Variants in UHMK1 observed in about 807,000 individuals in gnomAD.
UHMK1 encodes U2AF homology motif kinase 1, also known as serine/threonine-protein kinase Kist.
UHMK1 carries 18 observed loss-of-function variants against 44.0 expected under a neutral mutation model. The observed-to-expected ratio is 0.41, with a 90% CI of 0.28 to 0.61. UHMK1 has a LOEUF of 0.61. Among genes scored for constraint, UHMK1 ranks in the 20% least tolerant of loss-of-function variants. The probability of loss-of-function intolerance (pLI) is 0.31; values close to 1 mark genes in which losing one functional copy is unlikely to be tolerated. For synonymous variants in UHMK1, 231 were observed against 198.5 expected (o/e 1.16, Z -1.38); for missense variants, 463 against 522.5 (o/e 0.89, Z 1.11).
rs768012570 is a variant in UHMK1 at position 162,501,109 on chromosome 1, A to G, written c.753+5A>G. On this transcript the variant is annotated splice_donor_5th_base_variant and intron_variant, in intron 3 of 7. Coordinates refer to ENST00000489294, the MANE Select transcript of UHMK1 (RefSeq NM_175866.5). ...GTCAGATCTCAGGAATGGAAGGTAA[A>G]CTTCACCAGTGCTTTGCTTTGGGGT... 1 of 1,613,302 alleles carries G rather than the reference A, an allele frequency of 6.2e-7. No homozygotes were observed. The highest frequency in any genetic ancestry group is 1.3e-5 in the African/African-American group (1 of 74,876).
In UHMK1 at chr1:162,522,709, C is replaced by A; in HGVS notation, c.*159C>A. The A allele has an allele frequency of 1.2e-6, 1 of 828,506 alleles. No individual in the cohort carries two copies. The highest frequency in any genetic ancestry group is 1.8e-6 in the Non-Finnish European group (1 of 548,310). The allele number at this position is 828,506 out of a possible 1,614,324, so 51.3% of individuals were successfully genotyped here. On this transcript the variant is annotated 3_prime_UTR_variant, in exon 8 of 8. Coordinates refer to ENST00000489294, the MANE Select transcript of UHMK1 (RefSeq NM_175866.5). ...CATTGCCCAAGCAGTGACTGCGTTG[C>A]ATACATTTGGCACTGAGTAGGACAA...
At chr1:162,515,804 G>A (rs1360866003) in intron 6 of UHMK1, among the ~76,000 whole-genome samples, 1 of 152,040 alleles carries the variant, frequency 6.6e-6, no homozygotes, top group East Asian at 1.9e-4. Flanking sequence ...GGAGGCCGAG[G>A]CGGATGGATC....
rs776946730 is a variant in UHMK1, at chr1:162,526,344, A to T, written c.*3794A>T. The T allele has an allele frequency of 2.6e-5, 4 of 151,980 alleles. No individual in the cohort carries two copies. The highest frequency in any genetic ancestry group is 5.9e-5 in the Non-Finnish European group (4 of 67,980). The allele number at this position is 151,980 out of a possible 1,614,324, so 9.4% of individuals were successfully genotyped here. A position where few individuals can be genotyped will look rare whatever the true frequency, so the allele number is the denominator to read the frequency against. ...TGTAAATGATAGTAATTGTAACAAC[A>T]TAGTTACTGGGTGAAGGAGTAGGGG... On this transcript the variant is annotated 3_prime_UTR_variant, in exon 8 of 8. Transcript: ENST00000489294.
At chr1:162,497,399 G>A, upstream of UHMK1, 1 of 647,966 alleles carries the variant, frequency 1.5e-6, no homozygotes, top group Non-Finnish European at 2.8e-6. Context: ...GCGACACGGG[G>A]GGCTTAGAAT....
chr1:162,524,018 A>G lies in UHMK1; in HGVS notation c.*1468A>G, dbSNP rs1652152608. On this transcript the variant is annotated 3_prime_UTR_variant, in exon 8 of 8. Coordinates refer to ENST00000489294, the MANE Select transcript of UHMK1 (RefSeq NM_175866.5). ...CATGGTAGGTTGTCTTTAAAGATAT[A>G]AAAATTAGGATGCCTTTATGAAGCA... 6.6e-6 allele frequency: 1 copy of G among 152,162 alleles called. No homozygotes were observed. Among genetic ancestry groups the G allele is most frequent in the Non-Finnish European group, 1.5e-5 (1 of 68,020 alleles). 9.4% of individuals were successfully genotyped at this position (152,162 alleles called of 1,614,324 possible).
At chr1:162,504,221 GT>G (rs999789298) in intron 4 of UHMK1, among the ~76,000 whole-genome samples, 6 of 152,178 alleles carry the variant, frequency 3.9e-5, no homozygotes, top group African/African-American at 1.4e-4. Context: ...GAATAAGATA[GT>G]TTTTTATTAT....
In UHMK1 at chr1:162,522,572, C is replaced by G; in HGVS notation, c.*22C>G. 1 of 1,603,724 alleles carries G rather than the reference C, an allele frequency of 6.2e-7. No individual in the cohort carries two copies. The highest frequency in any genetic ancestry group is 8.5e-7 in the Non-Finnish European group (1 of 1,175,442). Reference sequence around the variant, plus strand: ...TTAATCAGTAACCTAAGGACTGTTTCCTTTTTCTCCTCTTCCATTTCTTGG... The same window carrying G: ...TTAATCAGTAACCTAAGGACTGTTTGCTTTTTCTCCTCTTCCATTTCTTGG... On this transcript the variant is annotated 3_prime_UTR_variant, in exon 8 of 8. Transcript: ENST00000489294.
chr1:162,500,873 A>G, intron 2 of UHMK1, 40 bp from the exon 3 acceptor site: 1 of 1,574,870 alleles, frequency 6.3e-7, no homozygotes, highest in Non-Finnish European at 8.7e-7. Flanking sequence ...GAAAGGGAGC[A>G]GCTTTTTTAT....
In UHMK1 at chr1:162,501,117, A is replaced by G; in HGVS notation, c.753+13A>G. On this transcript the variant is annotated intron_variant, in intron 3 of 7. Coordinates refer to ENST00000489294, the MANE Select transcript of UHMK1 (RefSeq NM_175866.5). ...TCAGGAATGGAAGGTAAACTTCACC[A>G]GTGCTTTGCTTTGGGGTCCTTACTT... 1 of 1,612,732 alleles carries G rather than the reference A, an allele frequency of 6.2e-7. No homozygotes were observed. Among genetic ancestry groups the G allele is most frequent in the Non-Finnish European group, 8.5e-7 (1 of 1,179,362 alleles).
At chr1:162,509,543 T>C (rs1406493632) in intron 4 of UHMK1, among the ~76,000 whole-genome samples, 1 of 152,220 alleles carries the variant, frequency 6.6e-6, no homozygotes, top group African/African-American at 2.4e-5. Flanking sequence ...TTTTTTCTGG[T>C]TCATCAGATC....
At chr1:162,512,061 G>A (rs1233946548) in intron 4 of UHMK1, among the ~76,000 whole-genome samples, 1 of 150,570 alleles carries the variant, frequency 6.6e-6, no homozygotes, top group Non-Finnish European at 1.5e-5. Context: ...AGATTATTTT[G>A]GCTATTTAGG....
At chr1:162,497,738 A>C (rs149844873), upstream of UHMK1, 117 of 1,190,176 alleles carry the variant, frequency 9.8e-5, no homozygotes, top group East Asian at 3.6e-3. Context: ...TAGCGCGTCT[A>C]ATCTCTTCTA....
At chr1:162,513,559 A>G (rs1204860522) in intron 6 of UHMK1, among the ~76,000 whole-genome samples, 1 of 152,252 alleles carries the variant, frequency 6.6e-6, no homozygotes, top group African/African-American at 2.4e-5. Context: ...AGAAAGGACA[A>G]GTACTTAACC....
chr1:162,509,347 G>T (rs1266671663), intron 4 of UHMK1, among the ~76,000 whole-genome samples: 1 of 152,148 alleles, frequency 6.6e-6, no homozygotes, highest in Non-Finnish European at 1.5e-5. Context: ...TGCACTGAAA[G>T]AAAGCTTTGG....
chr1:162,508,309 A>C (rs2101675955), intron 4 of UHMK1, among the ~76,000 whole-genome samples: 1 of 151,998 alleles, frequency 6.6e-6, no homozygotes, highest in South Asian at 2.1e-4. Context: ...ACAAGGTTTC[A>C]CCATGTTGGC....
At chr1:162,521,151 G>A (rs999865952) in intron 7 of UHMK1, among the ~76,000 whole-genome samples, 12 of 151,906 alleles carry the variant, frequency 7.9e-5, no homozygotes, top group Admixed American at 6.6e-4. Flanking sequence ...GATTTTATAA[G>A]GAATGTTACA....
At chr1:162,519,002 AC>A (rs60812603) in intron 7 of UHMK1, among the ~76,000 whole-genome samples, 46,128 of 146,258 alleles carry the variant, frequency 0.32, 8,262 homozygotes, top group Non-Finnish European at 0.41. Flanking sequence ...AAAAAAAAAA[AC>A]TACTTTTGAG....
rs201532052 is a variant in UHMK1, at chr1:162,498,250, C to G, written c.250C>G (p.Gln84Glu). 88 of 1,600,706 alleles carry G rather than the reference C, an allele frequency of 5.5e-5. No individual in the cohort carries two copies. Among genetic ancestry groups the G allele is most frequent in the Non-Finnish European group, 6.7e-5 (79 of 1,172,332 alleles). The change falls in exon 1 of 8, where the codon CAG becomes GAG. Residue 84 changes from glutamine (Q) to glutamate (E), a missense_variant. Transcript: ENST00000489294. ...RKERAALEQLQGHRNIVTLYG... is the reference protein window; with the variant it reads ...RKERAALEQLEGHRNIVTLYG... The stretch of plus-strand genomic sequence containing the variant: ...AGAGAGGGCGGCGCTGGAACAGTTG[C>G]AGGGTCACAGAAACATCGGTAATTG...
rs869312863 is a variant in UHMK1, at chr1:162,522,504, C to T, written c.1214C>T (p.Pro405Leu). 1.9e-6 allele frequency: 3 copies of T among 1,614,132 alleles called. No individual in the cohort carries two copies. Among genetic ancestry groups the T allele is most frequent in the East Asian group, 2.2e-5 (1 of 44,884 alleles). ...AAGTTTGTTGTGGCTACATTCTACC[C>T]GCTGAGTGCCTACAAGAGGGGATAT... is the stretch of plus-strand genomic sequence containing the variant. ...DGKFVVATFY[P>L]LSAYKRGYLY... The change falls in exon 8 of 8, where the codon CCG (proline) becomes CTG (leucine). Residue 405 changes from proline to leucine, a missense_variant. Pro to Leu is a moderately conservative substitution (Grantham distance 98). Coordinates refer to ENST00000489294, the MANE Select transcript of UHMK1 (RefSeq NM_175866.5).
Sources: allele counts gnomAD v4.1 joint callset (sites outside exome capture counted in the v4.1 genomes callset), GRCh38; gene constraint gnomAD v4.1.1; transcripts MANE v1.5; gene names NCBI Gene and HGNC (gene_info 2026-07-23, HGNC 2026-07-21).